Variants in AGO3 observed in about 807,000 individuals in gnomAD.
AGO3 encodes protein argonaute-3.
AGO3 carries 16 observed loss-of-function variants against 105.5 expected under a neutral mutation model. The ratio of observed to expected loss-of-function variants is 0.15; its 90% CI spans 0.10 to 0.23. The LOEUF (loss-of-function observed/expected upper bound fraction) is 0.23. Among genes scored for constraint, AGO3 ranks in the 10% least tolerant of loss-of-function variants. The pLI is 1.00. For synonymous variants in AGO3, 340 were observed against 367.3 expected, an observed-to-expected ratio of 0.93 and a Z score of 0.85; for missense variants, 534 against 1,088.0, an observed-to-expected ratio of 0.49 and a Z score of 7.16.
rs1646902806 is a variant in AGO3, at chr1:35,973,411, A to G, written c.558A>G (p.Pro186=). The change falls in exon 5 of 19, where the codon CCA becomes CCG. Residue 186 remains proline, a synonymous_variant. Transcript: ENST00000373191. ...TPVGRSFFSA[P]EGYDHPLGGG... ...TGGGGCGTTCATTTTTCTCCGCTCC[A>G]GAAGGATATGACCACCCTCTGGGAG... The G allele has an allele frequency of 6.3e-7, 1 of 1,590,278 alleles. No individual in the cohort carries two copies. Among genetic ancestry groups the G allele is most frequent in the African/African-American group, 1.3e-5 (1 of 74,348 alleles).
intron 1 of AGO3, among the ~76,000 whole-genome samples, chr1:35,932,010 C>T (rs1195402560): frequency 6.6e-6 from 1 of 152,142 alleles, no homozygotes; most frequent in Non-Finnish European, 1.5e-5. Flanking sequence ...CAGCCTGGAT[C>T]CCTGCTTATA....
Position 36,043,477 on chromosome 1 carries a change from A to G in AGO3, c.2203A>G (p.Thr735Ala), listed in dbSNP as rs1223902159. The G allele has an allele frequency of 6.2e-7, 1 of 1,613,848 alleles. No homozygotes were observed. The highest frequency in any genetic ancestry group is 8.5e-7 in the Non-Finnish European group (1 of 1,179,926). The stretch of plus-strand genomic sequence containing the variant: ...AAGAAGTGGCAATATCCCAGCTGGA[A>G]CAACAGTTGATACAGACATTACACA... ...VGRSGNIPAGTTVDTDITHPY... is the reference protein window; with the variant it reads ...VGRSGNIPAGATVDTDITHPY... Residue 735 changes from threonine (T) to alanine (A), a missense_variant, in exon 17 of 19, where the codon ACA becomes GCA. Thr to Ala is a moderately conservative substitution (Grantham distance 58, BLOSUM62 0). This residue lies in a region of AGO3 where 373 missense variants were observed against 854.0 expected (regional missense o/e 0.44). Coordinates refer to ENST00000373191, the MANE Select transcript of AGO3 (RefSeq NM_024852.4).
intron 8 of AGO3, 82 bp downstream of exon 8, chr1:36,009,126 C>T (rs779542432): frequency 1.0e-5 from 14 of 1,374,948 alleles, no homozygotes; most frequent in Non-Finnish European, 1.3e-5. Flanking sequence ...TTACCTCATA[C>T]AGAACATTTA....
chr1:35,950,082 G>A (rs1408213536), intron 2 of AGO3, among the ~76,000 whole-genome samples: 1 of 152,120 alleles, frequency 6.6e-6, no homozygotes, highest in Non-Finnish European at 1.5e-5. Flanking sequence ...TTAGCTGCAT[G>A]TGATGGCGGG....
chr1:36,064,525 T>C lies in AGO3; in HGVS notation c.*8780T>C, dbSNP rs1394543979. ...TAAGTGGTTAAAAGATAAACTGTAT[T>C]CCATCCTCTGGGTTTTCAATTCTAA... is the stretch of plus-strand genomic sequence containing the variant. On this transcript the variant is annotated 3_prime_UTR_variant, in exon 19 of 19. Coordinates refer to ENST00000373191, the MANE Select transcript of AGO3 (RefSeq NM_024852.4). 1 of 152,232 alleles carries C rather than the reference T, an allele frequency of 6.6e-6. No homozygotes were observed. The highest frequency in any genetic ancestry group is 1.5e-5 in the Non-Finnish European group (1 of 68,040). The allele number at this position is 152,232 out of a possible 1,614,324, so 9.4% of individuals were successfully genotyped here.
intron 11 of AGO3, among the ~76,000 whole-genome samples, chr1:36,022,920 T>A (rs1569835736): frequency 8.0e-6 from 1 of 124,650 alleles, no homozygotes; most frequent in African/African-American, 3.4e-5. Context: ...AGACTCCGTC[T>A]CAAAAAAAAA....
In AGO3 at chr1:36,036,032, C is replaced by CAA. The variant is rs11312730; in HGVS notation, c.1752-125_1752-124dup. 1.1e-3 allele frequency: 371 copies of CAA among 351,206 alleles called. 1 individual carries two copies. Among genetic ancestry groups the CAA allele is most frequent in the Middle Eastern group, 4.3e-3 (5 of 1,174 alleles). 21.8% of individuals were successfully genotyped at this position (351,206 alleles called of 1,614,324 possible). ...TGGGTGACAGAGCGAGACTCCGTCT[C>CAA]AAAAAAAAAAAAAAAAAAAAATTTG... On this transcript the variant is annotated intron_variant, in intron 13 of 18. Coordinates refer to ENST00000373191, the MANE Select transcript of AGO3 (RefSeq NM_024852.4).
intron 1 of AGO3, among the ~76,000 whole-genome samples, chr1:35,932,189 T>C (rs1646063013): frequency 6.6e-6 from 1 of 152,250 alleles, no homozygotes; most frequent in African/African-American, 2.4e-5. Flanking sequence ...ACATGGATAG[T>C]ACTTGTCCTT....
chr1:36,013,813 G>T, intron 10 of AGO3, 61 bp downstream of exon 10: 1 of 1,601,926 alleles, frequency 6.2e-7, no homozygotes, highest in East Asian at 2.2e-5. Context: ...GAAGAGAAAG[G>T]CATATCAGAA....
rs529893386 is a variant in AGO3, at chr1:36,027,778, C to CAA, written c.1591+494_1591+495dup. On this transcript the variant is annotated intron_variant, in intron 12 of 18. Coordinates refer to ENST00000373191, the MANE Select transcript of AGO3 (RefSeq NM_024852.4). This position sits in a 1 kb window ranked among gnomAD's most constrained non-coding sequence, Gnocchi z 4.0. The stretch of plus-strand genomic sequence containing the variant: ...TGGGCGACAGAGCGAAAGTCCGTCT[C>CAA]AAAAAAAAAAAAAAAGGGTTTCAGT... Among the ~76,000 whole-genome samples the CAA allele has an allele frequency of 7.5e-5, 5 of 66,680 alleles. No individual in the cohort carries two copies. Among genetic ancestry groups the CAA allele is most frequent in the Non-Finnish European group, 1.5e-4 (5 of 32,780 alleles). 43.7% of individuals were successfully genotyped at this position (66,680 alleles called of 152,430 possible). A position where few individuals can be genotyped will look rare whatever the true frequency, so the allele number is the denominator to read the frequency against.
At chr1:35,954,688 A>G (rs559993425) in intron 2 of AGO3, among the ~76,000 whole-genome samples, 24 of 152,244 alleles carry the variant, frequency 1.6e-4, no homozygotes, top group Non-Finnish European at 2.9e-4. Context: ...TACAATAGAT[A>G]AAACATGATC....
Position 36,036,280 on chromosome 1 carries a change from C to T in AGO3, c.1842+13C>T, listed in dbSNP as rs1569888836. The T allele has an allele frequency of 6.2e-7, 1 of 1,611,876 alleles. No individual in the cohort carries two copies. The highest frequency in any genetic ancestry group is 8.5e-7 in the Non-Finnish European group (1 of 1,178,028). Reference sequence around the variant, plus strand: ...TTCTATTGCTGCTGTGAGTGTTAGCCAGGTTTATCTTACCTAAGGTTGACA... The same window carrying T: ...TTCTATTGCTGCTGTGAGTGTTAGCTAGGTTTATCTTACCTAAGGTTGACA... On this transcript the variant is annotated intron_variant, in intron 14 of 18. Coordinates refer to ENST00000373191, the MANE Select transcript of AGO3 (RefSeq NM_024852.4).
At chr1:35,995,788 C>G (rs1648277553) in intron 5 of AGO3, among the ~76,000 whole-genome samples, 1 of 152,124 alleles carries the variant, frequency 6.6e-6, no homozygotes, top group Non-Finnish European at 1.5e-5. Flanking sequence ...AGTGATTCCC[C>G]CACCTCAGCC....
chr1:36,049,300 ACAAGGT>A (rs1465806240), intron 17 of AGO3, among the ~76,000 whole-genome samples: 1 of 152,122 alleles, frequency 6.6e-6, no homozygotes, highest in Non-Finnish European at 1.5e-5. Context: ...CCGGTGAATC[ACAAGGT>A]CAAGAGATCA....
At chr1:35,994,036 G>C (rs553549315) in intron 5 of AGO3, among the ~76,000 whole-genome samples, 7 of 125,760 alleles carry the variant, frequency 5.6e-5, no homozygotes, top group African/African-American at 2.2e-4. Flanking sequence ...GAGCCACTGC[G>C]CCCAGATTTT....
At chr1:35,966,059 A>C (rs1469223374) in intron 2 of AGO3, among the ~76,000 whole-genome samples, 1 of 152,160 alleles carries the variant, frequency 6.6e-6, no homozygotes, top group Admixed American at 6.5e-5. Context: ...TCCCGACCTC[A>C]GGTGATCCAC....
intron 14 of AGO3, among the ~76,000 whole-genome samples, 167 bp downstream of exon 14, chr1:36,036,434 A>G (rs987751662): frequency 2.0e-5 from 3 of 152,218 alleles, no homozygotes; most frequent in Non-Finnish European, 2.9e-5. Context: ...GAAGTTCCAT[A>G]TGTATCTATT....
chr1:35,994,806 C>T (rs1648116792), intron 5 of AGO3, among the ~76,000 whole-genome samples: 2 of 152,094 alleles, frequency 1.3e-5, no homozygotes, highest in Admixed American at 6.6e-5. Flanking sequence ...ATGTGCATGG[C>T]CCCCACGCTG....
chr1:35,995,670 G>A (rs770628011), intron 5 of AGO3, among the ~76,000 whole-genome samples: 35 of 152,042 alleles, frequency 2.3e-4, no homozygotes, highest in Admixed American at 7.9e-4. Context: ...CATGATCTTG[G>A]ACGAGGCAAA....
Sources: allele counts gnomAD v4.1 joint callset (sites outside exome capture counted in the v4.1 genomes callset), GRCh38; gene constraint gnomAD v4.1.1; regional missense constraint gnomAD v4.1.1; non-coding constraint Gnocchi (gnomAD v3.1); transcripts MANE v1.5; gene names NCBI Gene and HGNC (gene_info 2026-07-23, HGNC 2026-07-21).